Variants in DENND2C observed in about 807,000 individuals in gnomAD.
The protein encoded by DENND2C is DENN domain containing 2C, also known as DENN domain-containing protein 2C.
Under a neutral mutation model 112.4 loss-of-function variants are expected in DENND2C, and 72 were observed. The ratio of observed to expected loss-of-function variants is 0.64; its 90% CI spans 0.53 to 0.78. The LOEUF is 0.78. Among genes scored for constraint, DENND2C ranks in the 30% least tolerant of loss-of-function variants. The pLI, the probability that DENND2C is intolerant of heterozygous loss-of-function variation, is 0.00. For missense variants in DENND2C, 992 were observed against 1,113.8 expected, an observed-to-expected ratio of 0.89 and a Z score of 1.56; for synonymous variants, 329 against 381.6, an observed-to-expected ratio of 0.86 and a Z score of 1.61.
In DENND2C at chr1:114,585,464, C is replaced by T. The variant is rs1256897043; in HGVS notation, c.*136G>A. 3 of 870,570 alleles carry T rather than the reference C, an allele frequency of 3.4e-6. No individual in the cohort carries two copies. The highest frequency in any genetic ancestry group is 5.4e-6 in the Non-Finnish European group (3 of 555,996). The allele number at this position is 870,570 out of a possible 1,614,324, so 53.9% of individuals were successfully genotyped here. On this transcript the variant is annotated 3_prime_UTR_variant, in exon 21 of 21. Transcript: ENST00000393274. ...ACAGCAGCAACAGGAGAATCCTCCT[C>T]TAACAGCCTGACTCGCTCTTTAACC...
chr1:114,642,198 G>A lies in DENND2C; in HGVS notation c.-205+3250C>T, dbSNP rs559661169. Among the ~76,000 whole-genome samples the A allele has an allele frequency of 8.5e-5, 13 of 152,128 alleles. No individual in the cohort carries two copies. In the East Asian group the frequency reaches 2.5e-3, roughly 29 times the overall value. Reference sequence around the variant, plus strand: ...ACTCCTGGTCTCAAGTGATCCGTCCGCCTCGGCCTCCCAAAGTGCTAGGAT... The same window carrying A: ...ACTCCTGGTCTCAAGTGATCCGTCCACCTCGGCCTCCCAAAGTGCTAGGAT... On this transcript the variant is annotated intron_variant, in intron 3 of 20. Coordinates refer to ENST00000393274, the MANE Select transcript of DENND2C (RefSeq NM_001256404.2).
chr1:114,587,913 C>G lies in DENND2C; in HGVS notation c.2471G>C (p.Arg824Thr), dbSNP rs764242432. The G allele has an allele frequency of 1.9e-6, 3 of 1,614,138 alleles. No individual in the cohort carries two copies. The South Asian group carries it at 3.3e-5, about 18-fold the overall frequency. The part of the protein sequence containing the change: ...LNSLVSEAFV[R>T]FFVELVGHYS... ...ATGTCCTACCAACTCCACAAAAAAC[C>G]TGACAAATGCTTCGGACACCAGAGA... Residue 824 changes from arginine (R) to threonine (T), a missense_variant, in exon 19 of 21, where the codon AGG becomes ACG. Arg to Thr is a moderately conservative substitution (Grantham distance 71). This residue lies in a region of DENND2C where 516 missense variants were observed against 623.6 expected (regional missense o/e 0.83). Coordinates refer to ENST00000393274, the MANE Select transcript of DENND2C (RefSeq NM_001256404.2).
chr1:114,607,270 A>T (rs1264583882), intron 10 of DENND2C, among the ~76,000 whole-genome samples: 1 of 152,152 alleles, frequency 6.6e-6, no homozygotes, highest in Non-Finnish European at 1.5e-5. Flanking sequence ...TTCAAAGATA[A>T]AATTATTTAG....
chr1:114,650,222 C>T (rs1657115743), intron 2 of DENND2C, among the ~76,000 whole-genome samples: 1 of 151,920 alleles, frequency 6.6e-6, no homozygotes, highest in South Asian at 2.1e-4. Context: ...ACTCAGGAGG[C>T]TGAGGCAGGA....
rs1316492245 is a variant in DENND2C, at chr1:114,613,883, G to A, written c.1325-2766C>T. ...AGACTTCAACACACAAAATTATAATGACAGAATTGAAGAAGGCTGATAAGT... is the reference window on the plus strand; with the variant it reads ...AGACTTCAACACACAAAATTATAATAACAGAATTGAAGAAGGCTGATAAGT... On this transcript the variant is annotated intron_variant, in intron 8 of 20. Coordinates refer to ENST00000393274, the MANE Select transcript of DENND2C (RefSeq NM_001256404.2). Among the ~76,000 whole-genome samples, 5 of 152,088 alleles carry A rather than the reference G, an allele frequency of 3.3e-5. No homozygotes were observed. The East Asian group carries it at 9.6e-4, about 29-fold the overall frequency.
chr1:114,643,160 G>C (rs765829116), intron 3 of DENND2C, among the ~76,000 whole-genome samples: 2 of 152,108 alleles, frequency 1.3e-5, no homozygotes, highest in Non-Finnish European at 2.9e-5. Context: ...CTTCTGCAAT[G>C]CTGTCTTAGA....
At chr1:114,592,056 T>TTA (rs1655209207) in intron 18 of DENND2C, among the ~76,000 whole-genome samples, 9 of 151,998 alleles carry the variant, frequency 5.9e-5, no homozygotes, top group Non-Finnish European at 1.2e-4. Flanking sequence ...AGCTAATTTT[T>TTA]GTATTTTTAG....
intron 3 of DENND2C, among the ~76,000 whole-genome samples, chr1:114,638,835 A>G (rs1017176045): frequency 7.9e-5 from 12 of 151,930 alleles, no homozygotes; most frequent in Non-Finnish European, 1.6e-4. Flanking sequence ...GAAAATCAGT[A>G]AATATATAAA....
intron 3 of DENND2C, among the ~76,000 whole-genome samples, chr1:114,635,874 C>T (rs1455676433): frequency 1.3e-5 from 2 of 151,786 alleles, no homozygotes; most frequent in Non-Finnish European, 2.9e-5. Flanking sequence ...GGCATAGTGG[C>T]GTGCACCTAT....
At chr1:114,632,960 A>T (rs1404930621) in intron 3 of DENND2C, among the ~76,000 whole-genome samples, 1 of 152,192 alleles carries the variant, frequency 6.6e-6, no homozygotes, top group Non-Finnish European at 1.5e-5. Flanking sequence ...AGAACAAAAA[A>T]TGGTACTTGT....
chr1:114,624,744 C>T (rs1656282866), intron 4 of DENND2C, among the ~76,000 whole-genome samples: 1 of 151,766 alleles, frequency 6.6e-6, no homozygotes, highest in Non-Finnish European at 1.5e-5. Flanking sequence ...GCCTCAGCAT[C>T]CCATATAGCT....
chr1:114,607,517 ATTG>A (rs1417378003), intron 10 of DENND2C, among the ~76,000 whole-genome samples: 2 of 152,170 alleles, frequency 1.3e-5, no homozygotes, highest in African/African-American at 2.4e-5. Context: ...AACAAAAATT[ATTG>A]TTGTTCTTTT....
chr1:114,666,712 C>T (rs1468652967), intron 1 of DENND2C, among the ~76,000 whole-genome samples: 1 of 152,238 alleles, frequency 6.6e-6, no homozygotes, highest in Non-Finnish European at 1.5e-5. Flanking sequence ...CTTGGCCTCC[C>T]AGAGTGCTGG....
At chr1:114,632,909 A>C (rs1191942207) in intron 3 of DENND2C, among the ~76,000 whole-genome samples, 1 of 152,200 alleles carries the variant, frequency 6.6e-6, no homozygotes, top group African/African-American at 2.4e-5. Flanking sequence ...TGAAGAAAAA[A>C]TGATACCAGA....
At chr1:114,665,751 T>C (rs1481950498) in intron 1 of DENND2C, among the ~76,000 whole-genome samples, 40 of 152,244 alleles carry the variant, frequency 2.6e-4, no homozygotes, top group Non-Finnish European at 2.2e-4. Flanking sequence ...CATTGCTTTA[T>C]AATAATAATT....
At chr1:114,649,432 C>T (rs571584425) in intron 2 of DENND2C, among the ~76,000 whole-genome samples, 8 of 152,080 alleles carry the variant, frequency 5.3e-5, no homozygotes, top group Admixed American at 3.9e-4. Context: ...CCCAGAGGCA[C>T]GGTGTGATCA....
At chr1:114,668,671 T>C (rs1235161170) in intron 1 of DENND2C, among the ~76,000 whole-genome samples, 1 of 152,032 alleles carries the variant, frequency 6.6e-6, no homozygotes, top group Non-Finnish European at 1.5e-5. Flanking sequence ...AAAACTGCCA[T>C]TTTCTTTTTT....
At chr1:114,653,753 T>A (rs188618373) in intron 2 of DENND2C, among the ~76,000 whole-genome samples, 116 of 152,310 alleles carry the variant, frequency 7.6e-4, no homozygotes, top group Admixed American at 6.5e-3. Flanking sequence ...CTAGTAAATG[T>A]TTTTTAAAAA....
At chr1:114,633,842 A>G (rs904382413) in intron 3 of DENND2C, among the ~76,000 whole-genome samples, 1 of 152,236 alleles carries the variant, frequency 6.6e-6, no homozygotes, top group African/African-American at 2.4e-5. Flanking sequence ...TACAAGGCAA[A>G]GATTATCAAA....
Sources: allele counts gnomAD v4.1 joint callset (sites outside exome capture counted in the v4.1 genomes callset), GRCh38; gene constraint gnomAD v4.1.1; regional missense constraint gnomAD v4.1.1; transcripts MANE v1.5; gene names NCBI Gene and HGNC (gene_info 2026-07-23, HGNC 2026-07-21).